LHFPL2: variants seen among roughly 807,000 people sequenced by gnomAD.
LHFPL2 encodes the protein LHFPL tetraspan subfamily member 2 protein.
In LHFPL2, 7 loss-of-function variants were observed where a neutral mutation model predicts 17.5. That is an observed-to-expected ratio of 0.40 (90% CI 0.23 to 0.75). The LOEUF (loss-of-function observed/expected upper bound fraction) is 0.75. Ranked by LOEUF, LHFPL2 falls within the 30% of genes least tolerant of loss-of-function variation. LHFPL2 has a pLI of 0.37. For synonymous variants in LHFPL2, 134 were observed against 116.2 expected (o/e 1.15, Z -0.99); for missense variants, 241 against 294.8 (o/e 0.82, Z 1.34).
chr5:78,578,608 C>CACAA (rs1757193729), intron 2 of LHFPL2, among the ~76,000 whole-genome samples: 1 of 151,292 alleles, frequency 6.6e-6, no homozygotes, highest in Non-Finnish European at 1.5e-5. Flanking sequence ...CACACACACA[C>CACAA]ACACACACAC....
At chr5:78,633,605 C>T (rs981924792) in intron 1 of LHFPL2, among the ~76,000 whole-genome samples, 1 of 152,228 alleles carries the variant, frequency 6.6e-6, no homozygotes, top group African/African-American at 2.4e-5. Flanking sequence ...AGCAGCAATT[C>T]TGTGCTCAAG....
At chr5:78,582,929 T>C (rs1743203871) in intron 2 of LHFPL2, among the ~76,000 whole-genome samples, 1 of 152,184 alleles carries the variant, frequency 6.6e-6, no homozygotes, top group African/African-American at 2.4e-5. Flanking sequence ...CTAAGTGTCT[T>C]TGTAGGTCAC....
rs1745157411 is a variant in LHFPL2, at chr5:78,629,067, A to G, written c.-245+3197T>C. Among the ~76,000 whole-genome samples the G allele has an allele frequency of 2.0e-5, 3 of 152,326 alleles. No homozygotes were observed. In the South Asian group the frequency reaches 6.2e-4, roughly 32 times the overall value. On this transcript the variant is annotated intron_variant, in intron 2 of 4. Transcript: ENST00000380345. ...ATAGAACGCAGAATATTTACTCTTT[A>G]ACATTAAAAAAGATGGATGAGGACT...
At chr5:78,519,806 C>T (rs1331134557) in intron 3 of LHFPL2, among the ~76,000 whole-genome samples, 1 of 152,228 alleles carries the variant, frequency 6.6e-6, no homozygotes, top group East Asian at 1.9e-4. Flanking sequence ...GGCTTTGTGT[C>T]TCAGGCACTC....
rs570826325 is a variant in LHFPL2, at chr5:78,499,261, T to C, written c.431-10108A>G. 3.7e-4 allele frequency among the ~76,000 whole-genome samples: 57 copies of C among 152,360 alleles called. No individual in the cohort carries two copies. In the South Asian group the frequency reaches 7.7e-3, roughly 20 times the overall value. ...AAGTTTGTAAAGATGATTAGAACCC[T>C]TTAATAATCATGAAGATAACTTACA... On this transcript the variant is annotated intron_variant, in intron 4 of 4. Coordinates refer to ENST00000380345, the MANE Select transcript of LHFPL2 (RefSeq NM_005779.3).
intron 2 of LHFPL2, among the ~76,000 whole-genome samples, chr5:78,600,101 T>C (rs1375265077): frequency 6.6e-6 from 1 of 152,102 alleles, no homozygotes; most frequent in Non-Finnish European, 1.5e-5. Context: ...TGGTGAAAAT[T>C]ATTTTGAAAG....
At chr5:78,505,651 T>C (rs559847787) in intron 4 of LHFPL2, among the ~76,000 whole-genome samples, 14 of 152,224 alleles carry the variant, frequency 9.2e-5, no homozygotes, top group Non-Finnish European at 1.5e-4. Flanking sequence ...TTGTGTTTGA[T>C]TGGAACAGAG....
intron 4 of LHFPL2, among the ~76,000 whole-genome samples, chr5:78,499,814 T>C (rs1754717548): frequency 6.6e-6 from 1 of 152,198 alleles, no homozygotes; most frequent in South Asian, 2.1e-4. Flanking sequence ...ATCTCCACTC[T>C]CTTCCATTTG....
intron 2 of LHFPL2, among the ~76,000 whole-genome samples, chr5:78,582,193 T>A (rs1478101299): frequency 6.6e-6 from 1 of 152,204 alleles, no homozygotes. Flanking sequence ...TTTATTAGTC[T>A]TGCTAGCAGT....
intron 2 of LHFPL2, among the ~76,000 whole-genome samples, chr5:78,604,268 A>G (rs962577894): frequency 1.3e-5 from 2 of 152,174 alleles, no homozygotes; most frequent in African/African-American, 4.8e-5. Flanking sequence ...ACCTGAGGTC[A>G]GAAGTTCGAC....
At position 78,500,681 on chromosome 5, in the gene LHFPL2, G is replaced by A. The variant is rs145562210; in HGVS notation, c.430+9103C>T. 3.4e-3 allele frequency among the ~76,000 whole-genome samples: 511 copies of A among 152,252 alleles called. 3 individuals carry two copies. The highest frequency in any genetic ancestry group is 0.014 in the Middle Eastern group (4 of 294). On this transcript the variant is annotated intron_variant, in intron 4 of 4. Transcript: ENST00000380345. ...GAATAAATAAAAGTAATATAACAAA[G>A]TAGGAGTTATAACATGAATCAAGAA... is the stretch of plus-strand genomic sequence containing the variant.
intron 2 of LHFPL2, among the ~76,000 whole-genome samples, chr5:78,620,814 C>G (rs1387003302): frequency 6.6e-6 from 1 of 152,164 alleles, no homozygotes. Flanking sequence ...CCAAGCAGCT[C>G]CAAACTATTC....
In LHFPL2 at chr5:78,569,027, G is replaced by C. The variant is rs186261616; in HGVS notation, c.-244-4156C>G. Among the ~76,000 whole-genome samples, 461 of 152,188 alleles carry C rather than the reference G, an allele frequency of 3.0e-3. 4 individuals are homozygous for C. Among genetic ancestry groups the C allele is most frequent in the Non-Finnish European group, 2.0e-3 (135 of 68,012 alleles). On this transcript the variant is annotated intron_variant, in intron 2 of 4. Coordinates refer to ENST00000380345, the MANE Select transcript of LHFPL2 (RefSeq NM_005779.3). ...TCAATCTAGGACTTCTGACCCCCCA[G>C]GCAGGCCAGTGTATTTCCAGCTAGG... is the stretch of plus-strand genomic sequence containing the variant.
chr5:78,524,695 T>C (rs1755564789), intron 3 of LHFPL2, among the ~76,000 whole-genome samples: 1 of 149,458 alleles, frequency 6.7e-6, no homozygotes, highest in African/African-American at 2.5e-5. Flanking sequence ...TGAGCCAAGA[T>C]TGCACCACTG....
chr5:78,638,449 T>C (rs1177970673), intron 1 of LHFPL2, among the ~76,000 whole-genome samples: 1 of 152,240 alleles, frequency 6.6e-6, no homozygotes, highest in Non-Finnish European at 1.5e-5. Context: ...GGCTCTAACA[T>C]CTGCCTCCCT....
intron 2 of LHFPL2, among the ~76,000 whole-genome samples, chr5:78,584,983 C>CT (rs1207364200): frequency 1.4e-5 from 2 of 138,932 alleles, no homozygotes; most frequent in African/African-American, 5.4e-5. Context: ...ATATAATCTC[C>CT]TGGTGCGCTG....
intron 4 of LHFPL2, among the ~76,000 whole-genome samples, chr5:78,494,063 G>C (rs983871599): frequency 5.9e-5 from 9 of 152,196 alleles, no homozygotes; most frequent in African/African-American, 1.9e-4. Flanking sequence ...TAAAAAAGCA[G>C]TTCCTGAAGT....
intron 1 of LHFPL2, among the ~76,000 whole-genome samples, chr5:78,638,075 C>T (rs1745520251): frequency 6.6e-6 from 1 of 152,178 alleles, no homozygotes; most frequent in Admixed American, 6.5e-5. Context: ...GCAATAAGGG[C>T]CGGGCGTGGT....
chr5:78,557,012 G>C (rs1756589476), intron 3 of LHFPL2, among the ~76,000 whole-genome samples: 2 of 151,908 alleles, frequency 1.3e-5, no homozygotes, highest in African/African-American at 4.8e-5. Context: ...ACAACATGCA[G>C]GTTTGTTACA....
Sources: allele counts gnomAD v4.1 joint callset (sites outside exome capture counted in the v4.1 genomes callset), GRCh38; gene constraint gnomAD v4.1.1; transcripts MANE v1.5; gene names NCBI Gene and HGNC (gene_info 2026-07-23, HGNC 2026-07-21).